The following SYS1 variants were observed in gnomAD, a reference collection of about 807,000 sequenced individuals.
SYS1 encodes SYS1 golgi trafficking protein.
A neutral mutation model predicts 17.8 loss-of-function variants in SYS1; 8 were observed. That is an observed-to-expected ratio of 0.45 (90% CI 0.26 to 0.81). SYS1 has a LOEUF of 0.81. Among genes scored for constraint, SYS1 ranks in the 40% least tolerant of loss-of-function variants. The probability of loss-of-function intolerance (pLI) is 0.16; values close to 1 mark genes in which losing one functional copy is unlikely to be tolerated. For synonymous variants in SYS1, 95 were observed against 90.9 expected, an observed-to-expected ratio of 1.05 and a Z score of -0.26; for missense variants, 161 against 203.9, an observed-to-expected ratio of 0.79 and a Z score of 1.28.
chr20:45,368,565 C>G lies in SYS1; in HGVS notation c.*1450C>G. The G allele has an allele frequency of 1.0e-6, 1 of 985,396 alleles. No individual in the cohort carries two copies. The highest frequency in any genetic ancestry group is 1.2e-6 in the Non-Finnish European group (1 of 829,916). 61.0% of individuals were successfully genotyped at this position (985,396 alleles called of 1,614,324 possible). On this transcript the variant is annotated 3_prime_UTR_variant, in exon 4 of 4. Transcript: ENST00000243918. ...TCATCTGACCTCCTGACTCTCAGCC[C>G]TACAGAGTAGGGAGTTGATGCTGAC...
Position 45,367,290 on chromosome 20 carries a change from G to C in SYS1, c.*175G>C. On this transcript the variant is annotated 3_prime_UTR_variant, in exon 4 of 4. Coordinates refer to ENST00000243918, the MANE Select transcript of SYS1 (RefSeq NM_033542.4). ...AAAGAAGGCAGGTAGCAGTCAGCAT[G>C]ACAGCTGCAAGAATGACCTCTGTCT... 1 of 1,433,592 alleles carries C rather than the reference G, an allele frequency of 7.0e-7. No individual in the cohort carries two copies. Among genetic ancestry groups the C allele is most frequent in the South Asian group, 1.5e-5 (1 of 67,380 alleles). 88.8% of individuals were successfully genotyped at this position (1,433,592 alleles called of 1,614,324 possible). A position where few individuals can be genotyped will look rare whatever the true frequency, so the allele number is the denominator to read the frequency against.
In SYS1 at chr20:45,368,036, T is replaced by G. The variant is rs1988474319; in HGVS notation, c.*921T>G. 1 of 985,436 alleles carries G rather than the reference T, an allele frequency of 1.0e-6. No individual in the cohort carries two copies. The highest frequency in any genetic ancestry group is 4.7e-5 in the South Asian group (1 of 21,284). The allele number at this position is 985,436 out of a possible 1,614,324, so 61.0% of individuals were successfully genotyped here. ...GGGAGATAGGAATTTGCTGCTAAGA[T>G]TTTTCTTTGGGGTGGAGTTTCCTCT... On this transcript the variant is annotated 3_prime_UTR_variant, in exon 4 of 4. Transcript: ENST00000243918.
chr20:45,368,067 G>T lies in SYS1; in HGVS notation c.*952G>T. 3 of 985,468 alleles carry T rather than the reference G, an allele frequency of 3.0e-6. No homozygotes were observed. Among genetic ancestry groups the T allele is most frequent in the Non-Finnish European group, 3.6e-6 (3 of 830,010 alleles). The allele number at this position is 985,468 out of a possible 1,614,324, so 61.0% of individuals were successfully genotyped here. A position where few individuals can be genotyped will look rare whatever the true frequency, so the allele number is the denominator to read the frequency against. On this transcript the variant is annotated 3_prime_UTR_variant, in exon 4 of 4. Coordinates refer to ENST00000243918, the MANE Select transcript of SYS1 (RefSeq NM_033542.4). ...TTTGGGGTGGAGTTTCCTCTGTGAGGGGCTTGCAGCTATCCTTCCTGTGTA... is the reference window on the plus strand; with the variant it reads ...TTTGGGGTGGAGTTTCCTCTGTGAGTGGCTTGCAGCTATCCTTCCTGTGTA...
chr20:45,368,645 G>A lies in SYS1; in HGVS notation c.*1530G>A, dbSNP rs761859786. Reference sequence around the variant, plus strand: ...GGGAAGAGACTGGGAAGGTTCTAGGGTGAGGCACCTCAGTAACTCATGGTA... The same window carrying A: ...GGGAAGAGACTGGGAAGGTTCTAGGATGAGGCACCTCAGTAACTCATGGTA... On this transcript the variant is annotated 3_prime_UTR_variant, in exon 4 of 4. Coordinates refer to ENST00000243918, the MANE Select transcript of SYS1 (RefSeq NM_033542.4). The A allele has an allele frequency of 3.0e-6, 3 of 985,454 alleles. No individual in the cohort carries two copies. Among genetic ancestry groups the A allele is most frequent in the Non-Finnish European group, 3.6e-6 (3 of 829,972 alleles). The allele number at this position is 985,454 out of a possible 1,614,324, so 61.0% of individuals were successfully genotyped here. A position where few individuals can be genotyped will look rare whatever the true frequency, so the allele number is the denominator to read the frequency against.
Position 45,365,601 on chromosome 20 carries a change from T to C in SYS1, c.163-18T>C, listed in dbSNP as rs1988384811. 1 of 1,613,808 alleles carries C rather than the reference T, an allele frequency of 6.2e-7. No homozygotes were observed. The highest frequency in any genetic ancestry group is 2.2e-5 in the East Asian group (1 of 44,868). On this transcript the variant is annotated intron_variant, in intron 2 of 3. Transcript: ENST00000243918. ...AAGTCACTTCTCCAGTATATTTCCATTTGTGATTCCCCCTCAGATCCTGGG... is the reference window on the plus strand; with the variant it reads ...AAGTCACTTCTCCAGTATATTTCCACTTGTGATTCCCCCTCAGATCCTGGG...
At chr20:45,373,663 C>G (rs1382531646), downstream of SYS1, 1 of 555,178 alleles carries the variant, frequency 1.8e-6, no homozygotes, top group African/African-American at 1.9e-5. Context: ...CCAGGAAGCA[C>G]ACGAGCGCCC....
Position 45,367,406 on chromosome 20 carries a change from C to T in SYS1, c.*291C>T, listed in dbSNP as rs1392124176. ...CCATGCCACTCTTGAGCCACAATAC[C>T]TGTCACCAGCCTGTTGTTTTAAGAG... On this transcript the variant is annotated 3_prime_UTR_variant, in exon 4 of 4. Coordinates refer to ENST00000243918, the MANE Select transcript of SYS1 (RefSeq NM_033542.4). 2 of 1,226,526 alleles carry T rather than the reference C, an allele frequency of 1.6e-6. No individual in the cohort carries two copies. The highest frequency in any genetic ancestry group is 2.0e-6 in the Non-Finnish European group (2 of 975,696). The allele number at this position is 1,226,526 out of a possible 1,614,324, so 76.0% of individuals were successfully genotyped here. A position where few individuals can be genotyped will look rare whatever the true frequency, so the allele number is the denominator to read the frequency against.
chr20:45,376,232 CT>C (rs1264155413), exon 4 of SYS1: 4 of 152,248 alleles, frequency 2.6e-5, no homozygotes, highest in African/African-American at 9.6e-5. Context: ...AATGCTGAGA[CT>C]TTCCCAAAGG....
chr20:45,375,857 A>C (rs1988715542), exon 4 of SYS1: 1 of 365,282 alleles, frequency 2.7e-6, no homozygotes, highest in East Asian at 5.8e-5. Flanking sequence ...TGGGAGGGTG[A>C]ACAGTCCAGT....
upstream of SYS1, chr20:45,363,061 C>T (rs960818320): frequency 5.3e-5 from 52 of 979,018 alleles, no homozygotes; most frequent in East Asian, 1.1e-4. Flanking sequence ...TATCCGGCTG[C>T]TTGTACCTGG....
Position 45,363,183 on chromosome 20 carries a change from G to C in SYS1, c.-136G>C, listed in dbSNP as rs1988278479. The stretch of plus-strand genomic sequence containing the variant: ...TTCCTACGCAGCCGCTCCTGCCGCC[G>C]TGGTCGCTGGAGCTTTGCCTCTCTA... On this transcript the variant is annotated 5_prime_UTR_variant, in exon 1 of 4. Coordinates refer to ENST00000243918, the MANE Select transcript of SYS1 (RefSeq NM_033542.4). 4 of 1,050,688 alleles carry C rather than the reference G, an allele frequency of 3.8e-6. No homozygotes were observed. In the Admixed American group the frequency reaches 2.1e-4, roughly 55 times the overall value. The allele number at this position is 1,050,688 out of a possible 1,614,324, so 65.1% of individuals were successfully genotyped here.
downstream of SYS1, among the ~76,000 whole-genome samples, chr20:45,369,806 A>G (rs1025772974): frequency 2.0e-5 from 3 of 151,480 alleles, no homozygotes; most frequent in Non-Finnish European, 4.4e-5. Flanking sequence ...TTTTTTAGAG[A>G]CAGGGCTTTG....
At chr20:45,373,850 G>A, downstream of SYS1, 3 of 1,539,692 alleles carry the variant, frequency 1.9e-6, no homozygotes, top group Non-Finnish European at 2.7e-6. Flanking sequence ...ATCCTTCCCA[G>A]CCCCAGACAA....
chr20:45,363,055 C>A, upstream of SYS1: 5 of 966,286 alleles, frequency 5.2e-6, no homozygotes, highest in Non-Finnish European at 6.2e-6. Flanking sequence ...GTTCGCTATC[C>A]GGCTGCTTGT....
exon 4 of SYS1, chr20:45,375,138 G>A (rs759659207): frequency 6.2e-7 from 1 of 1,614,126 alleles, no homozygotes; most frequent in East Asian, 2.2e-5. Flanking sequence ...ACATCACCCT[G>A]GGCGCCGGGA....
At chr20:45,376,560 A>G (rs1337361831) in exon 4 of SYS1, 2 of 152,264 alleles carry the variant, frequency 1.3e-5, no homozygotes, top group Non-Finnish European at 2.9e-5. Context: ...TTAACCTCTC[A>G]GAGCCTTAGC....
At chr20:45,374,864 T>C (rs1600755822) in exon 4 of SYS1, 1 of 797,318 alleles carries the variant, frequency 1.3e-6, no homozygotes, top group Non-Finnish European at 2.0e-6. Flanking sequence ...TACCCTTCTG[T>C]ATGATGTTGG....
rs1004152649 is a variant in SYS1, at chr20:45,367,745, C to G, written c.*630C>G. ...TGTGCACCCAAGAACCTATGACTTT[C>G]TTCCAGTTCCTTCTACCAGGTCCCC... On this transcript the variant is annotated 3_prime_UTR_variant, in exon 4 of 4. Transcript: ENST00000243918. 6.7e-5 allele frequency: 66 copies of G among 986,348 alleles called. No homozygotes were observed. The highest frequency in any genetic ancestry group is 7.6e-5 in the Non-Finnish European group (63 of 830,442). The allele number at this position is 986,348 out of a possible 1,614,324, so 61.1% of individuals were successfully genotyped here. A position where few individuals can be genotyped will look rare whatever the true frequency, so the allele number is the denominator to read the frequency against.
At chr20:45,364,298 T>C (rs969052415) in intron 2 of SYS1, among the ~76,000 whole-genome samples, 3 of 151,838 alleles carry the variant, frequency 2.0e-5, no homozygotes, top group Non-Finnish European at 4.4e-5. Context: ...TTCCCCTTTC[T>C]GAGCCTTTTC....
Sources: allele counts gnomAD v4.1 joint callset (sites outside exome capture counted in the v4.1 genomes callset), GRCh38; gene constraint gnomAD v4.1.1; transcripts MANE v1.5; gene names NCBI Gene and HGNC (gene_info 2026-07-23, HGNC 2026-07-21).